Variants in NKAIN2 observed in about 807,000 individuals in gnomAD.
NKAIN2 encodes the protein sodium/potassium-transporting ATPase subunit beta-1-interacting protein 2.
NKAIN2 carries 14 observed loss-of-function variants against 32.6 expected under a neutral mutation model. The ratio of observed to expected loss-of-function variants is 0.43; its 90% CI spans 0.28 to 0.67. NKAIN2 has a LOEUF of 0.67. Ranked by LOEUF, NKAIN2 falls within the 30% of genes least tolerant of loss-of-function variation. The probability of loss-of-function intolerance (pLI) is 0.17; values close to 1 mark genes in which losing one functional copy is unlikely to be tolerated. For synonymous variants in NKAIN2, 80 were observed against 87.2 expected, an observed-to-expected ratio of 0.92 and a Z score of 0.46; for missense variants, 198 against 258.3, an observed-to-expected ratio of 0.77 and a Z score of 1.60.
intron 1 of NKAIN2, among the ~76,000 whole-genome samples, chr6:124,277,128 A>T (rs1795071052): frequency 1.3e-5 from 2 of 152,186 alleles, no homozygotes; most frequent in Admixed American, 1.3e-4. Flanking sequence ...CAAACTTTCT[A>T]CATCTCATTT....
intron 1 of NKAIN2, among the ~76,000 whole-genome samples, chr6:124,081,194 A>T (rs1783954368): frequency 6.6e-6 from 1 of 151,980 alleles, no homozygotes; most frequent in Non-Finnish European, 1.5e-5. Context: ...GAGGAGTTTT[A>T]GTTCTTATTT....
In NKAIN2 at chr6:123,940,200, C is replaced by T. The variant is rs1024514571; in HGVS notation, c.54+135946C>T. 2.6e-5 allele frequency among the ~76,000 whole-genome samples: 4 copies of T among 151,848 alleles called. No individual in the cohort carries two copies. The Admixed American group carries it at 2.6e-4, about 10-fold the overall frequency. On this transcript the variant is annotated intron_variant, in intron 1 of 6. Coordinates refer to ENST00000368417, the MANE Select transcript of NKAIN2 (RefSeq NM_001040214.3). ...CCAGTTTAGTTGGCCAGGCTAACCA[C>T]CATTGGCTAGAATCATACAAAAACA... is the stretch of plus-strand genomic sequence containing the variant.
intron 3 of NKAIN2, among the ~76,000 whole-genome samples, chr6:124,498,482 G>A (rs540051005): frequency 6.6e-6 from 1 of 152,250 alleles, no homozygotes; most frequent in African/African-American, 2.4e-5. Flanking sequence ...TGAGGTTAAA[G>A]GAAAGGGGCT....
chr6:123,830,738 C>G (rs1452687850), intron 1 of NKAIN2, among the ~76,000 whole-genome samples: 1 of 152,158 alleles, frequency 6.6e-6, no homozygotes, highest in Non-Finnish European at 1.5e-5. Flanking sequence ...GTGTCTGCCA[C>G]TGGATTTTGT....
intron 3 of NKAIN2, among the ~76,000 whole-genome samples, chr6:124,398,214 C>T (rs1773473297): frequency 1.5e-5 from 2 of 133,562 alleles, no homozygotes; most frequent in Non-Finnish European, 3.1e-5. Context: ...GATCGCGCCA[C>T]TGCACTCCAG....
At chr6:124,571,457 C>T (rs932447334) in intron 3 of NKAIN2, among the ~76,000 whole-genome samples, 3 of 152,114 alleles carry the variant, frequency 2.0e-5, no homozygotes, top group South Asian at 4.1e-4. Context: ...TGAATCATGG[C>T]GGCCTGTCTG....
chr6:124,437,177 C>A (rs556872211), intron 3 of NKAIN2, among the ~76,000 whole-genome samples: 1 of 152,296 alleles, frequency 6.6e-6, no homozygotes, highest in East Asian at 1.9e-4. Flanking sequence ...TAACACTTAA[C>A]AACTTAAATC....
intron 5 of NKAIN2, among the ~76,000 whole-genome samples, chr6:124,807,055 C>A (rs1433667686): frequency 6.6e-6 from 1 of 151,942 alleles, no homozygotes; most frequent in Non-Finnish European, 1.5e-5. Flanking sequence ...CTTTAACACC[C>A]CACTGTCAAC....
intron 1 of NKAIN2, among the ~76,000 whole-genome samples, chr6:123,848,908 A>G (rs1477770620): frequency 6.6e-6 from 1 of 152,244 alleles, no homozygotes; most frequent in Non-Finnish European, 1.5e-5. Context: ...CAAAAGATAG[A>G]AAAGTTCTAG....
chr6:124,415,878 C>CTTTTTTTTTTTTTTTTTTTTCTTTTTTT, intron 3 of NKAIN2, among the ~76,000 whole-genome samples: 1 of 72,590 alleles, frequency 1.4e-5, no homozygotes, highest in Non-Finnish European at 2.6e-5. Context: ...TTTTTATTTG[C>CTTTTTTTTTTTTTTTTTTTTCTTTTTTT]TTTTTTTTTT....
chr6:124,744,027 G>GA (rs1420851074), intron 4 of NKAIN2, among the ~76,000 whole-genome samples: 21 of 151,698 alleles, frequency 1.4e-4, no homozygotes, highest in African/African-American at 4.8e-4. Context: ...TTCAAAATTA[G>GA]AAAAAATCTA....
intron 3 of NKAIN2, among the ~76,000 whole-genome samples, chr6:124,530,262 T>A (rs1411540148): frequency 1.3e-5 from 2 of 152,232 alleles, no homozygotes; most frequent in Non-Finnish European, 2.9e-5. Flanking sequence ...ACTGTTTGCT[T>A]ACAATAAAGT....
At chr6:124,163,772 AG>A (rs1228420863) in intron 1 of NKAIN2, among the ~76,000 whole-genome samples, 1 of 152,086 alleles carries the variant, frequency 6.6e-6, no homozygotes, top group Non-Finnish European at 1.5e-5. Context: ...GGAAACTGTG[AG>A]GGAAGATTAA....
At chr6:124,002,326 T>A (rs1399401876) in intron 1 of NKAIN2, among the ~76,000 whole-genome samples, 1 of 151,848 alleles carries the variant, frequency 6.6e-6, no homozygotes, top group Non-Finnish European at 1.5e-5. Context: ...ATGTTAAGAG[T>A]GAAATGAATG....
chr6:124,248,822 C>T (rs1032588278), intron 1 of NKAIN2, among the ~76,000 whole-genome samples: 13 of 152,080 alleles, frequency 8.5e-5, no homozygotes, highest in African/African-American at 2.4e-4. Context: ...GACTAAGGAA[C>T]TGAATCTGCT....
chr6:124,709,784 C>T (rs1296385238), intron 4 of NKAIN2, among the ~76,000 whole-genome samples: 1 of 151,544 alleles, frequency 6.6e-6, no homozygotes, highest in Non-Finnish European at 1.5e-5. Context: ...AAAACCAGCT[C>T]CTGGATTCAT....
chr6:123,934,510 T>C (rs1776410289), intron 1 of NKAIN2, among the ~76,000 whole-genome samples: 1 of 152,194 alleles, frequency 6.6e-6, no homozygotes, highest in Non-Finnish European at 1.5e-5. Flanking sequence ...CACATTATTC[T>C]GTAGTGTGCC....
At chr6:124,303,376 G>A (rs1280533460) in intron 2 of NKAIN2, among the ~76,000 whole-genome samples, 1 of 152,090 alleles carries the variant, frequency 6.6e-6, no homozygotes, top group Non-Finnish European at 1.5e-5. Flanking sequence ...TTCGGCAGCA[G>A]CAAAACAGGT....
chr6:123,887,840 T>C (rs560324155), intron 1 of NKAIN2, among the ~76,000 whole-genome samples: 25 of 152,250 alleles, frequency 1.6e-4, no homozygotes, highest in African/African-American at 6.0e-4. Context: ...CTCCTTTCAA[T>C]AGAATGGTGA....
Sources: allele counts gnomAD v4.1 joint callset (sites outside exome capture counted in the v4.1 genomes callset), GRCh38; gene constraint gnomAD v4.1.1; transcripts MANE v1.5; gene names NCBI Gene and HGNC (gene_info 2026-07-23, HGNC 2026-07-21).